CNTNAP2: variants seen among roughly 807,000 people sequenced by gnomAD.
CNTNAP2 encodes the protein contactin-associated protein-like 2.
CNTNAP2 carries 98 observed loss-of-function variants against 155.2 expected under a neutral mutation model. The observed-to-expected ratio is 0.63, with a 90% CI of 0.54 to 0.75. CNTNAP2 has a LOEUF of 0.75. Ranked by LOEUF, CNTNAP2 falls within the 30% of genes least tolerant of loss-of-function variation. The pLI is 0.00. For missense variants in CNTNAP2, 1,727 were observed against 1,688.1 expected (o/e 1.02, Z -0.40); for synonymous variants, 651 against 631.2 (o/e 1.03, Z -0.47).
At chr7:146,451,009 T>G (rs970919710) in intron 1 of CNTNAP2, among the ~76,000 whole-genome samples, 2 of 151,962 alleles carry the variant, frequency 1.3e-5, no homozygotes, top group Non-Finnish European at 2.9e-5. Flanking sequence ...TGCAGTGGCG[T>G]GGTCTTGGCT....
At chr7:146,896,746 GATA>G (rs1374254948) in intron 3 of CNTNAP2, among the ~76,000 whole-genome samples, 1 of 151,862 alleles carries the variant, frequency 6.6e-6, no homozygotes, top group Admixed American at 6.6e-5. Flanking sequence ...AAATAATTCT[GATA>G]ATTAGTTTAT....
chr7:147,323,712 TC>T (rs1795396866), intron 9 of CNTNAP2, among the ~76,000 whole-genome samples: 1 of 152,220 alleles, frequency 6.6e-6, no homozygotes, highest in Non-Finnish European at 1.5e-5. Flanking sequence ...GGAGTTCATT[TC>T]TTTTTCAAGT....
At chr7:147,474,064 T>C (rs1798272918) in intron 10 of CNTNAP2, among the ~76,000 whole-genome samples, 1 of 150,850 alleles carries the variant, frequency 6.6e-6, no homozygotes, top group Non-Finnish European at 1.5e-5. Flanking sequence ...GGGAGACAAG[T>C]ACGAAACTCC....
chr7:146,604,198 A>C (rs1409702063), intron 1 of CNTNAP2, among the ~76,000 whole-genome samples: 23 of 61,482 alleles, frequency 3.7e-4, no homozygotes, highest in African/African-American at 6.9e-4. Context: ...AATATCCAGA[A>C]TCTACAATGA....
intron 13 of CNTNAP2, among the ~76,000 whole-genome samples, chr7:147,767,761 T>A (rs1346508796): frequency 6.6e-6 from 1 of 151,960 alleles, no homozygotes; most frequent in Non-Finnish European, 1.5e-5. Flanking sequence ...TGAGAAAGAA[T>A]TGGTGTACTT....
At chr7:146,311,047 T>C (rs1800812120) in intron 1 of CNTNAP2, among the ~76,000 whole-genome samples, 3 of 152,154 alleles carry the variant, frequency 2.0e-5, no homozygotes, top group Admixed American at 2.0e-4. Flanking sequence ...GAAGAAATGC[T>C]AGTGATTTAC....
At chr7:148,081,155 A>G (rs1803596016) in intron 15 of CNTNAP2, among the ~76,000 whole-genome samples, 1 of 152,242 alleles carries the variant, frequency 6.6e-6, no homozygotes, top group South Asian at 2.1e-4. Context: ...CTTAAGCAAA[A>G]TGATGCAATT....
intron 13 of CNTNAP2, among the ~76,000 whole-genome samples, chr7:147,710,083 T>G (rs915703373): frequency 1.3e-5 from 2 of 152,138 alleles, no homozygotes; most frequent in African/African-American, 4.8e-5. Context: ...TTTCTTTTTC[T>G]CCTGTGCAAG....
intron 14 of CNTNAP2, among the ~76,000 whole-genome samples, chr7:147,964,582 TAAA>T (rs747861781): frequency 2.0e-5 from 3 of 152,098 alleles, no homozygotes; most frequent in Non-Finnish European, 4.4e-5. Context: ...CTGAAAAAAA[TAAA>T]AAAGTGAAAT....
chr7:146,442,438 G>A, intron 1 of CNTNAP2, among the ~76,000 whole-genome samples: 1 of 151,762 alleles, frequency 6.6e-6, no homozygotes, highest in East Asian at 1.9e-4. Context: ...CATTTGGGGT[G>A]TGTGTGTGTG....
chr7:147,960,410 G>A (rs1399968007), intron 14 of CNTNAP2, among the ~76,000 whole-genome samples: 1 of 152,150 alleles, frequency 6.6e-6, no homozygotes, highest in East Asian at 1.9e-4. Flanking sequence ...AACCAATGAG[G>A]TGGTACTGAC....
In CNTNAP2 at chr7:146,686,337, G is replaced by A. The variant is rs77254366; in HGVS notation, c.98-87934G>A. On this transcript the variant is annotated intron_variant, in intron 1 of 23. Coordinates refer to ENST00000361727, the MANE Select transcript of CNTNAP2 (RefSeq NM_014141.6). ...AAACAATTTTTGAAGTCAGAATAGA[G>A]TAGCAGTGCGATTGTACGTAGCCTG... Among the ~76,000 whole-genome samples, 633 of 152,180 alleles carry A rather than the reference G, an allele frequency of 4.2e-3. 1 individual carries two copies. Among genetic ancestry groups the A allele is most frequent in the African/African-American group, 0.015 (606 of 41,542 alleles).
intron 13 of CNTNAP2, among the ~76,000 whole-genome samples, chr7:147,680,035 T>C (rs570799068): frequency 6.6e-6 from 1 of 151,918 alleles, no homozygotes; most frequent in South Asian, 2.1e-4. Context: ...TGCCTTAAAC[T>C]GTGATCTGTA....
intron 1 of CNTNAP2, among the ~76,000 whole-genome samples, chr7:146,629,392 G>T (rs1353932219): frequency 2.0e-5 from 3 of 151,916 alleles, no homozygotes; most frequent in Non-Finnish European, 4.4e-5. Flanking sequence ...TTTAAATAAG[G>T]TTTATTAAAA....
At position 147,658,136 on chromosome 7, in the gene CNTNAP2, G is replaced by A. The variant is rs374150568; in HGVS notation, c.2098+18830G>A. 2.6e-4 allele frequency among the ~76,000 whole-genome samples: 37 copies of A among 142,434 alleles called. 4 individuals carry two copies. The highest frequency in any genetic ancestry group is 1.0e-3 in the Admixed American group (13 of 13,022). The allele number at this position is 142,434 out of a possible 152,430, so 93.4% of individuals were successfully genotyped here. A position where few individuals can be genotyped will look rare whatever the true frequency, so the allele number is the denominator to read the frequency against. ...GCCGGGCGTAGTGGCGGGCGCCTGT[G>A]GTCCCAGCTACTTGGGAGGCTGAGG... On this transcript the variant is annotated intron_variant, in intron 13 of 23. Coordinates refer to ENST00000361727, the MANE Select transcript of CNTNAP2 (RefSeq NM_014141.6).
chr7:148,401,737 T>C (rs58893388), intron 22 of CNTNAP2, among the ~76,000 whole-genome samples: 17,456 of 152,042 alleles, frequency 0.11, 1,972 homozygotes, highest in African/African-American at 0.29. Context: ...TAGCTAGGAC[T>C]ACAGGCACCC....
intron 15 of CNTNAP2, among the ~76,000 whole-genome samples, chr7:148,005,469 G>A (rs1210604478): frequency 2.0e-5 from 3 of 152,104 alleles, no homozygotes; most frequent in Admixed American, 6.5e-5. Context: ...ACATAATGTA[G>A]CATCTCATAC....
At chr7:148,227,839 C>A (rs1795880866) in intron 19 of CNTNAP2, among the ~76,000 whole-genome samples, 1 of 150,986 alleles carries the variant, frequency 6.6e-6, no homozygotes, top group Non-Finnish European at 1.5e-5. Context: ...AATCCAGGAA[C>A]ATGGCAAGTG....
intron 12 of CNTNAP2, among the ~76,000 whole-genome samples, chr7:147,562,857 TA>T (rs926762323): frequency 3.3e-4 from 51 of 152,282 alleles, no homozygotes; most frequent in African/African-American, 1.2e-3. Context: ...ATCTCTAAGA[TA>T]AGAACAGATT....
Sources: allele counts gnomAD v4.1 joint callset (sites outside exome capture counted in the v4.1 genomes callset), GRCh38; gene constraint gnomAD v4.1.1; transcripts MANE v1.5; gene names NCBI Gene and HGNC (gene_info 2026-07-23, HGNC 2026-07-21).